SIPA1L1: variants seen among roughly 807,000 people sequenced by gnomAD.
SIPA1L1 encodes the protein signal-induced proliferation-associated 1-like protein 1.
Under a neutral mutation model 162.7 loss-of-function variants are expected in SIPA1L1, and 26 were observed. The observed-to-expected ratio is 0.16, with a 90% CI of 0.12 to 0.22. SIPA1L1 has a LOEUF of 0.22. Among genes scored for constraint, SIPA1L1 ranks in the 10% least tolerant of loss-of-function variants. The pLI is 1.00. For synonymous variants in SIPA1L1, 829 were observed against 837.4 expected, an observed-to-expected ratio of 0.99 and a Z score of 0.17; for missense variants, 1,874 against 2,241.0, an observed-to-expected ratio of 0.84 and a Z score of 3.31.
At chr14:71,381,119 C>G (rs1427672882) in intron 2 of SIPA1L1, among the ~76,000 whole-genome samples, 1 of 152,180 alleles carries the variant, frequency 6.6e-6, no homozygotes, top group East Asian at 1.9e-4. Flanking sequence ...GTGGCGTGAT[C>G]TTGGCTCACT....
intron 5 of SIPA1L1, among the ~76,000 whole-genome samples, chr14:71,610,136 C>T (rs1180852597): frequency 6.6e-6 from 1 of 152,098 alleles, no homozygotes; most frequent in Non-Finnish European, 1.5e-5. Flanking sequence ...ACTGTGATTT[C>T]TATTGGTGTC....
At chr14:71,713,923 A>T in intron 17 of SIPA1L1, among the ~76,000 whole-genome samples, 1 of 149,610 alleles carries the variant, frequency 6.7e-6, no homozygotes. Flanking sequence ...TCTCTTTTAT[A>T]TTTTTTCCTT....
intron 12 of SIPA1L1, among the ~76,000 whole-genome samples, chr14:71,675,517 T>A (rs1438628244): frequency 1.3e-5 from 2 of 152,268 alleles, no homozygotes; most frequent in African/African-American, 4.8e-5. Flanking sequence ...TCTCCTTTCT[T>A]TAGAGATAAC....
At chr14:71,690,259 A>T (rs1023758298) in intron 13 of SIPA1L1, among the ~76,000 whole-genome samples, 2 of 148,470 alleles carry the variant, frequency 1.3e-5, no homozygotes, top group Non-Finnish European at 3.0e-5. Flanking sequence ...TTCTTTAATT[A>T]TTTTTTTTTT....
chr14:71,631,783 A>G (rs2040598221), intron 7 of SIPA1L1, among the ~76,000 whole-genome samples: 1 of 152,162 alleles, frequency 6.6e-6, no homozygotes, highest in South Asian at 2.1e-4. Context: ...TTTGTTAGTA[A>G]TTCCCAATGA....
At chr14:71,700,972 G>A (rs573502715) in intron 14 of SIPA1L1, among the ~76,000 whole-genome samples, 3 of 108,550 alleles carry the variant, frequency 2.8e-5, no homozygotes, top group Non-Finnish European at 5.1e-5. Flanking sequence ...TCCAGCCTAG[G>A]GGACAGAGCA....
At chr14:71,561,054 A>G (rs1284832339) in intron 4 of SIPA1L1, among the ~76,000 whole-genome samples, 2 of 152,230 alleles carry the variant, frequency 1.3e-5, no homozygotes, top group African/African-American at 2.4e-5. Flanking sequence ...TATGCTTTCT[A>G]AAAAGAGTTC....
chr14:71,590,044 A>ATATAT (rs1358959562), intron 5 of SIPA1L1, among the ~76,000 whole-genome samples: 2 of 59,584 alleles, frequency 3.4e-5, no homozygotes, highest in South Asian at 5.7e-4. Context: ...AAAAAAAAAA[A>ATATAT]ATATATATAT....
At chr14:71,475,637 G>C (rs1398634961) in intron 2 of SIPA1L1, among the ~76,000 whole-genome samples, 1 of 152,184 alleles carries the variant, frequency 6.6e-6, no homozygotes, top group African/African-American at 2.4e-5. Flanking sequence ...ATTATCCGTA[G>C]CTTCTCCATT....
At chr14:71,544,047 ACGCACATGTATGTATATACACACG>A (rs2054824118) in intron 4 of SIPA1L1, among the ~76,000 whole-genome samples, 3 of 151,216 alleles carry the variant, frequency 2.0e-5, no homozygotes, top group Admixed American at 1.3e-4. Flanking sequence ...ATACACACGC[ACGCACATGTATGTATATACACACG>A]CACGCACATG....
At chr14:71,698,780 C>T (rs1019623010) in intron 13 of SIPA1L1, among the ~76,000 whole-genome samples, 4 of 151,634 alleles carry the variant, frequency 2.6e-5, no homozygotes, top group Non-Finnish European at 5.9e-5. Context: ...ACCCCCACCC[C>T]CTCCAAGGCA....
intron 4 of SIPA1L1, among the ~76,000 whole-genome samples, chr14:71,541,053 G>A (rs1315214923): frequency 6.6e-6 from 1 of 152,000 alleles, no homozygotes; most frequent in Non-Finnish European, 1.5e-5. Context: ...GCTTGAACTC[G>A]GGAGGTGGAG....
At chr14:71,463,208 C>G (rs2141955748) in intron 2 of SIPA1L1, among the ~76,000 whole-genome samples, 1 of 152,328 alleles carries the variant, frequency 6.6e-6, no homozygotes, top group East Asian at 1.9e-4. Context: ...GTAGAGGCAG[C>G]TCTAATGGCT....
intron 2 of SIPA1L1, among the ~76,000 whole-genome samples, chr14:71,326,715 CTTTTTTTT>C (rs34173331): frequency 9.3e-6 from 1 of 107,446 alleles, no homozygotes; most frequent in Non-Finnish European, 1.9e-5. Context: ...ATGTAATTTG[CTTTTTTTT>C]TTTTTTTTTT....
intron 5 of SIPA1L1, among the ~76,000 whole-genome samples, chr14:71,597,679 TG>T (rs1275795248): frequency 6.6e-6 from 1 of 152,160 alleles, no homozygotes; most frequent in African/African-American, 2.4e-5. Flanking sequence ...CACTCTTGCA[TG>T]GAGCTGAGTT....
chr14:71,708,452 A>G (rs974600402), intron 16 of SIPA1L1, among the ~76,000 whole-genome samples: 7 of 151,610 alleles, frequency 4.6e-5, no homozygotes, highest in African/African-American at 1.7e-4. Context: ...AGCCTCCTAT[A>G]TAACTGGGAC....
At chr14:71,362,592 CT>C (rs2140890368) in intron 2 of SIPA1L1, among the ~76,000 whole-genome samples, 1 of 152,312 alleles carries the variant, frequency 6.6e-6, no homozygotes, top group African/African-American at 2.4e-5. Context: ...GAAATTTCAT[CT>C]TTGATCAAAT....
At chr14:71,720,695 C>T (rs148723040) in intron 17 of SIPA1L1, among the ~76,000 whole-genome samples, 90 of 151,910 alleles carry the variant, frequency 5.9e-4, no homozygotes, top group African/African-American at 2.1e-3. Context: ...CTCACTAGTT[C>T]TTCCTTCTGC....
At chr14:71,730,622 C>A (rs757939424) in intron 20 of SIPA1L1, among the ~76,000 whole-genome samples, 7 of 152,220 alleles carry the variant, frequency 4.6e-5, no homozygotes, top group Non-Finnish European at 8.8e-5. Flanking sequence ...TTGGCTAGCA[C>A]TAGATTAGTT....
Sources: gnomAD v4.1 joint callset for allele counts (sites outside exome capture counted in the v4.1 genomes callset) on GRCh38, gnomAD v4.1.1 for gene constraint, MANE v1.5 for transcripts, NCBI Gene and HGNC (gene_info 2026-07-23, HGNC 2026-07-21) for gene names.